Variants in CACNA2D3 observed in about 807,000 individuals in gnomAD.
CACNA2D3 encodes voltage-dependent calcium channel subunit alpha-2/delta-3.
A neutral mutation model predicts 160.6 loss-of-function variants in CACNA2D3; 60 were observed. That is an observed-to-expected ratio of 0.37 (90% CI 0.30 to 0.46). CACNA2D3 has a LOEUF of 0.46. Among genes scored for constraint, CACNA2D3 ranks in the 20% least tolerant of loss-of-function variants. CACNA2D3 has a pLI of 1.00. For missense variants in CACNA2D3, 1,205 were observed against 1,365.0 expected (o/e 0.88, Z 1.85); for synonymous variants, 558 against 492.9 (o/e 1.13, Z -1.75).
intron 2 of CACNA2D3, among the ~76,000 whole-genome samples, chr3:54,194,270 A>T (rs1230788608): frequency 2.0e-5 from 3 of 152,240 alleles, no homozygotes; most frequent in Non-Finnish European, 4.4e-5. Context: ...AAGAAGATGG[A>T]TACCCCTGAT....
intron 30 of CACNA2D3, among the ~76,000 whole-genome samples, chr3:54,986,553 T>G (rs1467902572): frequency 6.6e-6 from 1 of 152,344 alleles, no homozygotes; most frequent in South Asian, 2.1e-4. Flanking sequence ...TGTTGTTTCC[T>G]TCTTCCTCCT....
intron 3 of CACNA2D3, among the ~76,000 whole-genome samples, chr3:54,377,427 C>T (rs765545609): frequency 6.6e-6 from 1 of 152,096 alleles, no homozygotes; most frequent in African/African-American, 2.4e-5. Flanking sequence ...GAGAGCCAAC[C>T]GTGGGAGGCA....
chr3:54,465,647 C>T (rs538283298), intron 4 of CACNA2D3, among the ~76,000 whole-genome samples: 1 of 152,186 alleles, frequency 6.6e-6, no homozygotes, highest in Non-Finnish European at 1.5e-5. Context: ...AACCCTCTAG[C>T]ACACAGCCAT....
intron 13 of CACNA2D3, among the ~76,000 whole-genome samples, chr3:54,780,890 G>A (rs1016244846): frequency 1.3e-4 from 20 of 152,080 alleles, no homozygotes; most frequent in African/African-American, 4.6e-4. Flanking sequence ...TTCTTATTTG[G>A]CTTTCTGGTA....
chr3:54,723,327 C>T (rs1701210455), intron 11 of CACNA2D3, among the ~76,000 whole-genome samples: 1 of 143,560 alleles, frequency 7.0e-6, no homozygotes, highest in African/African-American at 2.6e-5. Context: ...AGTTTGTTGG[C>T]TCCATGGGGG....
chr3:54,613,559 T>TC (rs1443688401), intron 9 of CACNA2D3, among the ~76,000 whole-genome samples: 1 of 152,226 alleles, frequency 6.6e-6, no homozygotes, highest in Non-Finnish European at 1.5e-5. Flanking sequence ...GAGAAGGCTT[T>TC]CTATCCCATA....
intron 35 of CACNA2D3, among the ~76,000 whole-genome samples, chr3:55,047,962 CT>C (rs1320161680): frequency 1.3e-5 from 2 of 148,248 alleles, no homozygotes; most frequent in Non-Finnish European, 3.0e-5. Flanking sequence ...TATCCTGAGA[CT>C]TTGCTGAAGT....
chr3:54,762,052 A>G (rs956640056), intron 12 of CACNA2D3, among the ~76,000 whole-genome samples: 2 of 152,186 alleles, frequency 1.3e-5, no homozygotes, highest in Non-Finnish European at 1.5e-5. Flanking sequence ...AGGAGGTGGT[A>G]TGAGCCTAGG....
chr3:54,447,158 T>C lies in CACNA2D3; in HGVS notation c.382-56334T>C, dbSNP rs538048000. On this transcript the variant is annotated intron_variant, in intron 4 of 37. Transcript: ENST00000474759. ...CTAATCTGTTTCAATTCAAAATAGA[T>C]GAAAACCACCACATGCATGGCAGCT... 3.9e-5 allele frequency among the ~76,000 whole-genome samples: 6 copies of C among 152,314 alleles called. No individual in the cohort carries two copies. In the South Asian group the frequency reaches 6.2e-4, roughly 16 times the overall value.
At chr3:54,323,756 G>A (rs1009975632) in intron 3 of CACNA2D3, among the ~76,000 whole-genome samples, 1 of 152,084 alleles carries the variant, frequency 6.6e-6, no homozygotes, top group Admixed American at 6.5e-5. Flanking sequence ...GTGAGCCACC[G>A]TGCTGGGCCC....
At chr3:54,834,906 A>T (rs998760684) in intron 14 of CACNA2D3, among the ~76,000 whole-genome samples, 1 of 152,172 alleles carries the variant, frequency 6.6e-6, no homozygotes, top group African/African-American at 2.4e-5. Flanking sequence ...CCTTCTTTTG[A>T]GGGGGGCCTT....
chr3:54,686,096 A>T (rs1700444528), intron 11 of CACNA2D3, among the ~76,000 whole-genome samples: 1 of 152,214 alleles, frequency 6.6e-6, no homozygotes, highest in Non-Finnish European at 1.5e-5. Context: ...AAATAGAGCA[A>T]TCTCCCTATC....
intron 10 of CACNA2D3, among the ~76,000 whole-genome samples, chr3:54,631,435 T>G (rs1699236083): frequency 6.6e-6 from 1 of 152,218 alleles, no homozygotes; most frequent in Non-Finnish European, 1.5e-5. Flanking sequence ...TAATATTTTC[T>G]ACTTCATCAA....
intron 4 of CACNA2D3, among the ~76,000 whole-genome samples, chr3:54,420,950 T>C (rs1699827948): frequency 6.6e-6 from 1 of 152,206 alleles, no homozygotes; most frequent in Admixed American, 6.5e-5. Context: ...AAACAGACTA[T>C]CAAAGGTACA....
chr3:54,552,267 C>T (rs545940980), intron 5 of CACNA2D3, among the ~76,000 whole-genome samples: 106 of 152,104 alleles, frequency 7.0e-4, no homozygotes, highest in Non-Finnish European at 1.4e-3. Context: ...TTAATGTACG[C>T]GTATATCCTG....
chr3:54,885,620 A>AG, intron 23 of CACNA2D3, 34 bp downstream of exon 23: 1 of 1,531,888 alleles, frequency 6.5e-7, no homozygotes, highest in Non-Finnish European at 9.0e-7. Context: ...CTGTGCCTTC[A>AG]GGGGTGATGG....
At chr3:54,840,912 TG>T (rs1698806748) in intron 16 of CACNA2D3, among the ~76,000 whole-genome samples, 1 of 150,830 alleles carries the variant, frequency 6.6e-6, no homozygotes, top group African/African-American at 2.4e-5. Context: ...TTAGTAGAGA[TG>T]GGGTTTCACC....
At chr3:54,440,250 T>C (rs28550373) in intron 4 of CACNA2D3, among the ~76,000 whole-genome samples, 3,585 of 152,286 alleles carry the variant, frequency 0.024, 58 homozygotes, top group South Asian at 0.056. Flanking sequence ...CTTTCTCCTG[T>C]GGGCTGACAG....
intron 35 of CACNA2D3, among the ~76,000 whole-genome samples, chr3:55,020,385 CATAAA>C (rs949491035): frequency 4.8e-5 from 7 of 145,840 alleles, no homozygotes; most frequent in Non-Finnish European, 9.0e-5. Context: ...ATTCTATTTT[CATAAA>C]ATAAATATAT....
Sources: gnomAD v4.1 joint callset for allele counts (sites outside exome capture counted in the v4.1 genomes callset) on GRCh38, gnomAD v4.1.1 for gene constraint, MANE v1.5 for transcripts, NCBI Gene and HGNC (gene_info 2026-07-23, HGNC 2026-07-21) for gene names.